NDST4: variants seen among roughly 807,000 people sequenced by gnomAD.
The protein encoded by NDST4 is N-heparan sulfate sulfotransferase 4.
NDST4 carries 63 observed loss-of-function variants against 100.8 expected under a neutral mutation model. The ratio of observed to expected loss-of-function variants is 0.62; its 90% CI spans 0.51 to 0.77. The LOEUF (loss-of-function observed/expected upper bound fraction) is 0.77, where lower values mean the gene tolerates loss of function less well. Among genes scored for constraint, NDST4 ranks in the 30% least tolerant of loss-of-function variants. The probability of loss-of-function intolerance (pLI) is 0.00; values close to 1 mark genes in which losing one functional copy is unlikely to be tolerated. For synonymous variants in NDST4, 377 were observed against 361.8 expected, an observed-to-expected ratio of 1.04 and a Z score of -0.48; for missense variants, 943 against 1,018.4, an observed-to-expected ratio of 0.93 and a Z score of 1.01.
At chr4:114,899,465 C>T (rs1476424826) in intron 6 of NDST4, among the ~76,000 whole-genome samples, 1 of 152,172 alleles carries the variant, frequency 6.6e-6, no homozygotes, top group African/African-American at 2.4e-5. Context: ...GCGTGAGACA[C>T]CACGCCCAGC....
At chr4:114,893,455 T>C (rs1560798998) in intron 6 of NDST4, among the ~76,000 whole-genome samples, 1 of 152,180 alleles carries the variant, frequency 6.6e-6, no homozygotes, top group Non-Finnish European at 1.5e-5. Context: ...CATGCGATGG[T>C]TTCTCATTGT....
intron 6 of NDST4, among the ~76,000 whole-genome samples, chr4:114,880,282 C>T (rs1205145203): frequency 1.3e-5 from 2 of 152,142 alleles, no homozygotes; most frequent in South Asian, 2.1e-4. Flanking sequence ...TTTTAGATGT[C>T]ATGGCAATTA....
intron 6 of NDST4, among the ~76,000 whole-genome samples, chr4:114,919,595 C>T (rs145080059): frequency 6.6e-6 from 1 of 152,240 alleles, no homozygotes; most frequent in East Asian, 1.9e-4. Flanking sequence ...AAGTGAAGGT[C>T]AGAGTGGAAC....
intron 2 of NDST4, among the ~76,000 whole-genome samples, chr4:115,014,688 A>T (rs1195151847): frequency 6.6e-6 from 1 of 152,058 alleles, no homozygotes; most frequent in Non-Finnish European, 1.5e-5. Context: ...ATGGCAGAGG[A>T]TGCTGCTTGG....
At chr4:115,037,643 G>T (rs1309739798) in intron 2 of NDST4, among the ~76,000 whole-genome samples, 1 of 152,070 alleles carries the variant, frequency 6.6e-6, no homozygotes, top group Admixed American at 6.6e-5. Context: ...TTAGCATCCA[G>T]AATCTTGTAA....
rs1442381291 is a variant in NDST4 at position 115,102,453 on chromosome 4, T to A, written c.-247+10991A>T. On this transcript the variant is annotated intron_variant, in intron 1 of 13. Transcript: ENST00000264363. ...ATTAAAATATCAATGATAACAGTAA[T>A]CAAATTTTCCATTATTTTTTAATGT... 2.6e-5 allele frequency among the ~76,000 whole-genome samples: 4 copies of A among 152,122 alleles called. 1 individual carries two copies. The highest frequency in any genetic ancestry group is 6.6e-5 in the Admixed American group (1 of 15,246).
chr4:115,073,697 T>C (rs916707318), intron 2 of NDST4, among the ~76,000 whole-genome samples: 4 of 151,972 alleles, frequency 2.6e-5, no homozygotes, highest in Non-Finnish European at 4.4e-5. Flanking sequence ...GTACACAAAA[T>C]TTCATTTTGA....
At chr4:114,969,682 T>C (rs1252243284) in intron 4 of NDST4, among the ~76,000 whole-genome samples, 2 of 152,190 alleles carry the variant, frequency 1.3e-5, no homozygotes, top group East Asian at 1.9e-4. Flanking sequence ...TTCCATGGTG[T>C]ATATATGGAC....
At chr4:115,101,840 G>C (rs952677899) in intron 1 of NDST4, among the ~76,000 whole-genome samples, 1 of 152,158 alleles carries the variant, frequency 6.6e-6, no homozygotes, top group Non-Finnish European at 1.5e-5. Context: ...CTCTGTAAGC[G>C]ATATGAGATT....
chr4:114,895,052 A>G (rs947101882), intron 6 of NDST4, among the ~76,000 whole-genome samples: 6 of 152,268 alleles, frequency 3.9e-5, no homozygotes, highest in African/African-American at 1.4e-4. Flanking sequence ...TCTCAAATCA[A>G]TACCCTAAAT....
At chr4:114,905,323 A>G (rs796736528) in intron 6 of NDST4, among the ~76,000 whole-genome samples, 3 of 152,026 alleles carry the variant, frequency 2.0e-5, no homozygotes, top group African/African-American at 7.2e-5. Context: ...AGCTTCACAC[A>G]AATTGAACCT....
intron 2 of NDST4, among the ~76,000 whole-genome samples, chr4:115,061,898 T>C (rs980937859): frequency 2.0e-5 from 3 of 152,054 alleles, no homozygotes; most frequent in Non-Finnish European, 4.4e-5. Context: ...TGATATTAAA[T>C]GCTTATATGA....
At chr4:114,908,350 A>G (rs1724995191) in intron 6 of NDST4, among the ~76,000 whole-genome samples, 1 of 152,096 alleles carries the variant, frequency 6.6e-6, no homozygotes, top group African/African-American at 2.4e-5. Flanking sequence ...TTATTTTCAC[A>G]TTGTCCTCAA....
chr4:114,983,656 G>T (rs1370893138), intron 2 of NDST4, among the ~76,000 whole-genome samples: 1 of 152,110 alleles, frequency 6.6e-6, no homozygotes, highest in Non-Finnish European at 1.5e-5. Context: ...TAGACTTTTG[G>T]GTTAATGCTG....
At chr4:114,949,101 A>G (rs1288038049) in intron 4 of NDST4, among the ~76,000 whole-genome samples, 1 of 152,038 alleles carries the variant, frequency 6.6e-6, no homozygotes, top group Non-Finnish European at 1.5e-5. Context: ...GATCACTGAA[A>G]CAGTGAAACT....
chr4:115,033,859 T>C (rs996858452), intron 2 of NDST4, among the ~76,000 whole-genome samples: 12 of 152,166 alleles, frequency 7.9e-5, no homozygotes, highest in Admixed American at 6.6e-4. Context: ...AAAAAGATTA[T>C]TCTCAATATG....
chr4:115,029,312 C>T (rs573448152), intron 2 of NDST4, among the ~76,000 whole-genome samples: 5 of 152,088 alleles, frequency 3.3e-5, no homozygotes, highest in Non-Finnish European at 4.4e-5. Flanking sequence ...GCAGCCAGAG[C>T]TGTTCACTAA....
intron 2 of NDST4, among the ~76,000 whole-genome samples, chr4:115,057,313 A>T (rs971716443): frequency 6.6e-6 from 1 of 151,878 alleles, no homozygotes; most frequent in Admixed American, 6.6e-5. Context: ...TAGTATAAAC[A>T]TTAAGCAACT....
chr4:114,906,332 T>C (rs371422628), intron 6 of NDST4, among the ~76,000 whole-genome samples: 1 of 152,052 alleles, frequency 6.6e-6, no homozygotes, highest in Admixed American at 6.6e-5. Context: ...TCTAGTTTTA[T>C]GTTTGCACTC....
Sources: allele counts gnomAD v4.1 joint callset (sites outside exome capture counted in the v4.1 genomes callset), GRCh38; gene constraint gnomAD v4.1.1; transcripts MANE v1.5; gene names NCBI Gene and HGNC (gene_info 2026-07-23, HGNC 2026-07-21).